Variants in DNAAF9 observed in about 807,000 individuals in gnomAD.
DNAAF9 encodes shulin.
In DNAAF9, 90 loss-of-function variants were observed where a neutral mutation model predicts 167.0. The observed-to-expected ratio is 0.54, with a 90% CI of 0.45 to 0.64. The LOEUF (loss-of-function observed/expected upper bound fraction) is 0.64. DNAAF9 is among the 30% of genes least tolerant of loss of function. The probability of loss-of-function intolerance (pLI) is 0.00; values close to 1 mark genes in which losing one functional copy is unlikely to be tolerated. For synonymous variants in DNAAF9, 491 were observed against 508.8 expected (o/e 0.96, Z 0.47); for missense variants, 1,315 against 1,442.2 (o/e 0.91, Z 1.43).
chr20:3,327,026 G>A (rs1209128685), intron 12 of DNAAF9, among the ~76,000 whole-genome samples: 3 of 152,110 alleles, frequency 2.0e-5, no homozygotes, highest in Non-Finnish European at 4.4e-5. Flanking sequence ...TAGACCTGCT[G>A]AAGGCTGGTC....
intron 1 of DNAAF9, among the ~76,000 whole-genome samples, chr20:3,397,341 C>A (rs1489117037): frequency 1.4e-5 from 1 of 73,400 alleles, no homozygotes; most frequent in African/African-American, 5.7e-5. Context: ...TTTTTTGAGA[C>A]GGAGTCTCGC....
In DNAAF9 at chr20:3,296,711, C is replaced by T. The variant is rs184739738; in HGVS notation, c.2018+150G>A. ...TTGCCTTCTATTCCCCCAAGGGCAC[C>T]GGCTACCTGCAAGTTGGCAGCATTG... On this transcript the variant is annotated intron_variant, in intron 23 of 36. Coordinates refer to ENST00000252032, the MANE Select transcript of DNAAF9 (RefSeq NM_001009984.3). 288 of 647,690 alleles carry T rather than the reference C, an allele frequency of 4.4e-4. 1 individual carries two copies. In the East Asian group the frequency reaches 6.8e-3, roughly 15 times the overall value. 40.1% of individuals were successfully genotyped at this position (647,690 alleles called of 1,614,324 possible). A position where few individuals can be genotyped will look rare whatever the true frequency, so the allele number is the denominator to read the frequency against.
chr20:3,262,774 G>A (rs1477798195), intron 31 of DNAAF9, among the ~76,000 whole-genome samples: 1 of 152,056 alleles, frequency 6.6e-6, no homozygotes, highest in Non-Finnish European at 1.5e-5. Flanking sequence ...TCCCCCAGAA[G>A]CTCCATTTGT....
chr20:3,263,420 T>C (rs1347889914), intron 31 of DNAAF9, among the ~76,000 whole-genome samples: 1 of 152,152 alleles, frequency 6.6e-6, no homozygotes, highest in Non-Finnish European at 1.5e-5. Flanking sequence ...AACAATGTCT[T>C]CCCCTAAACC....
intron 7 of DNAAF9, among the ~76,000 whole-genome samples, chr20:3,357,475 A>AAAAT (rs992657395): frequency 3.3e-5 from 5 of 152,124 alleles, no homozygotes; most frequent in Admixed American, 2.0e-4. Flanking sequence ...CTGTCTCAAA[A>AAAAT]AAATAAATAA....
intron 20 of DNAAF9, among the ~76,000 whole-genome samples, chr20:3,308,046 T>C (rs1034025184): frequency 1.3e-5 from 2 of 148,842 alleles, no homozygotes; most frequent in Non-Finnish European, 3.0e-5. Context: ...GCCTAAGAAA[T>C]TGAGCATTAC....
At chr20:3,284,152 C>T (rs1373750929) in intron 27 of DNAAF9, among the ~76,000 whole-genome samples, 1 of 151,480 alleles carries the variant, frequency 6.6e-6, no homozygotes, top group African/African-American at 2.4e-5. Flanking sequence ...GAAGGAAGCA[C>T]CACGCTCAAG....
intron 1 of DNAAF9, among the ~76,000 whole-genome samples, chr20:3,401,079 A>C (rs1020057157): frequency 3.3e-5 from 5 of 152,140 alleles, no homozygotes; most frequent in Admixed American, 3.3e-4. Flanking sequence ...ACTTCCGTAG[A>C]TCTGTAAACC....
intron 29 of DNAAF9, among the ~76,000 whole-genome samples, chr20:3,272,684 T>C (rs1600684984): frequency 6.6e-6 from 1 of 152,238 alleles, no homozygotes; most frequent in African/African-American, 2.4e-5. Context: ...TTGTAAAATA[T>C]AATTTCATAG....
chr20:3,270,575 C>T lies in DNAAF9; in HGVS notation c.2651-13G>A. 1 of 1,611,630 alleles carries T rather than the reference C, an allele frequency of 6.2e-7. No individual in the cohort carries two copies. The highest frequency in any genetic ancestry group is 8.5e-7 in the Non-Finnish European group (1 of 1,179,344). On this transcript the variant is annotated splice_polypyrimidine_tract_variant and intron_variant, in intron 29 of 36. Transcript: ENST00000252032. Reference sequence around the variant, plus strand: ...TTACTCACCAGGCCTGGGAATAAAACCAAGGACAGTTTAGCCTTCACAGTC... The same window carrying T: ...TTACTCACCAGGCCTGGGAATAAAATCAAGGACAGTTTAGCCTTCACAGTC...
chr20:3,404,302 C>G (rs1220612346), intron 1 of DNAAF9, among the ~76,000 whole-genome samples: 1 of 152,186 alleles, frequency 6.6e-6, no homozygotes, highest in African/African-American at 2.4e-5. Context: ...TCTCAAAGTG[C>G]TGGGATTACA....
intron 25 of DNAAF9, among the ~76,000 whole-genome samples, chr20:3,293,064 C>T (rs1293678712): frequency 6.7e-6 from 1 of 149,072 alleles, no homozygotes; most frequent in Admixed American, 6.7e-5. Flanking sequence ...TCAGCCTAGG[C>T]GACAGAGCAA....
chr20:3,294,679 T>C (rs369832576), intron 23 of DNAAF9, 50 bp from the exon 24 acceptor site: 12 of 1,183,384 alleles, frequency 1.0e-5, no homozygotes, highest in Middle Eastern at 1.9e-4. Flanking sequence ...CTTCAGCATA[T>C]ACACTTTACA....
At position 3,281,630 on chromosome 20, in the gene DNAAF9, C is replaced by G. The variant is rs780214301; in HGVS notation, c.2612+11G>C. On this transcript the variant is annotated intron_variant, in intron 28 of 36. Coordinates refer to ENST00000252032, the MANE Select transcript of DNAAF9 (RefSeq NM_001009984.3). The stretch of plus-strand genomic sequence containing the variant: ...CTTTCAGTACACTTACACACCATAT[C>G]CTGTATCTACCTGTGCTCCATGTAG... The G allele has an allele frequency of 6.3e-7, 1 of 1,598,648 alleles. No individual in the cohort carries two copies. Among genetic ancestry groups the G allele is most frequent in the East Asian group, 2.3e-5 (1 of 44,408 alleles).
At chr20:3,264,409 C>T (rs774672336) in intron 31 of DNAAF9, 29 bp downstream of exon 31, 20 of 948,004 alleles carry the variant, frequency 2.1e-5, no homozygotes, top group Middle Eastern at 2.1e-4. Context: ...ACAAAAAAAT[C>T]TTAGTTATTT....
At chr20:3,280,298 A>G (rs148286041) in intron 28 of DNAAF9, among the ~76,000 whole-genome samples, 20 of 152,204 alleles carry the variant, frequency 1.3e-4, no homozygotes, top group African/African-American at 4.6e-4. Context: ...AAAAATTTAA[A>G]CAGCCTGTAA....
chr20:3,362,346 G>A (rs532861699), intron 6 of DNAAF9: 47 of 677,676 alleles, frequency 6.9e-5, no homozygotes, highest in African/African-American at 6.1e-4. Context: ...GTCGCTTGAA[G>A]CGGTTTATTA....
chr20:3,309,644 T>TTCTA (rs2069365671), intron 20 of DNAAF9, among the ~76,000 whole-genome samples: 1 of 152,226 alleles, frequency 6.6e-6, no homozygotes, highest in East Asian at 1.9e-4. Flanking sequence ...GAACTTAGAC[T>TTCTA]TCTATCTCAT....
At chr20:3,324,621 C>G (rs2069678008) in intron 14 of DNAAF9, among the ~76,000 whole-genome samples, 1 of 152,172 alleles carries the variant, frequency 6.6e-6, no homozygotes, top group African/African-American at 2.4e-5. Flanking sequence ...GCCTTGGAAC[C>G]CAGGCTTGTC....
Sources: gnomAD v4.1 joint callset for allele counts (sites outside exome capture counted in the v4.1 genomes callset) on GRCh38, gnomAD v4.1.1 for gene constraint, MANE v1.5 for transcripts, NCBI Gene and HGNC (gene_info 2026-07-23, HGNC 2026-07-21) for gene names.